The following SLC35F4 variants were observed in gnomAD, a reference collection of about 807,000 sequenced individuals.
The protein encoded by SLC35F4 is chromosome 14 open reading frame 36.
In SLC35F4, 24 loss-of-function variants were observed where a neutral mutation model predicts 44.2. The ratio of observed to expected loss-of-function variants is 0.54; its 90% confidence interval spans 0.39 to 0.76. SLC35F4 has a LOEUF of 0.76. Among genes scored for constraint, SLC35F4 ranks in the 30% least tolerant of loss-of-function variants. The pLI is 0.00. For synonymous variants in SLC35F4, 238 were observed against 223.6 expected (o/e 1.06, Z -0.57); for missense variants, 562 against 586.1 (o/e 0.96, Z 0.42).
intron 2 of SLC35F4, 55 bp from the exon 3 acceptor site, chr14:57,589,568 C>G: frequency 6.7e-7 from 1 of 1,485,432 alleles, no homozygotes; most frequent in Non-Finnish European, 9.0e-7. Context: ...AAACAGCAAT[C>G]AAATATATCA....
chr14:57,823,021 T>C (rs914812978), intron 1 of SLC35F4, among the ~76,000 whole-genome samples: 9 of 152,206 alleles, frequency 5.9e-5, no homozygotes, highest in African/African-American at 2.2e-4. Flanking sequence ...GGCTCATGTC[T>C]GTGGCTGCCT....
intron 1 of SLC35F4, among the ~76,000 whole-genome samples, chr14:57,770,383 C>T (rs770689119): frequency 5.3e-5 from 8 of 152,126 alleles, no homozygotes; most frequent in Non-Finnish European, 1.0e-4. Flanking sequence ...TTGTAGGGGT[C>T]GGGGAGTTGT....
intron 1 of SLC35F4, among the ~76,000 whole-genome samples, chr14:57,618,466 G>A (rs527586550): frequency 6.6e-6 from 1 of 152,182 alleles, no homozygotes; most frequent in African/African-American, 2.4e-5. Context: ...CCCAAGGGAA[G>A]CCGGGAGGAA....
At chr14:57,598,414 C>A (rs1320974082) in intron 1 of SLC35F4, among the ~76,000 whole-genome samples, 1 of 152,190 alleles carries the variant, frequency 6.6e-6, no homozygotes, top group Non-Finnish European at 1.5e-5. Flanking sequence ...GAATAAGGTG[C>A]CTTGGGTGTT....
intron 1 of SLC35F4, among the ~76,000 whole-genome samples, chr14:57,796,811 C>A (rs926782789): frequency 1.2e-4 from 19 of 152,162 alleles, no homozygotes; most frequent in Non-Finnish European, 2.6e-4. Flanking sequence ...CACTTGCACA[C>A]AAACACACAT....
At chr14:57,681,683 G>T (rs2208986) in intron 1 of SLC35F4, among the ~76,000 whole-genome samples, 1 of 151,618 alleles carries the variant, frequency 6.6e-6, no homozygotes, top group Non-Finnish European at 1.5e-5. Context: ...AGTTTCTGTA[G>T]GACAAAAGTA....
chr14:57,946,638 C>A (rs988488876), intron 1 of SLC35F4, among the ~76,000 whole-genome samples: 12 of 151,766 alleles, frequency 7.9e-5, no homozygotes, highest in Admixed American at 6.6e-4. Context: ...CCATGCCTGG[C>A]TAATTTTTTG....
At chr14:57,884,420 T>C (rs562380666) in intron 1 of SLC35F4, among the ~76,000 whole-genome samples, 1 of 152,322 alleles carries the variant, frequency 6.6e-6, no homozygotes, top group South Asian at 2.1e-4. Context: ...GAGGGTGTAA[T>C]TTGGTTAAAA....
chr14:57,653,132 A>T (rs1048129550), intron 1 of SLC35F4, among the ~76,000 whole-genome samples: 13 of 152,202 alleles, frequency 8.5e-5, no homozygotes, highest in African/African-American at 3.1e-4. Flanking sequence ...GTCACAAGGC[A>T]TTTACAAAGA....
At chr14:57,581,945 ATTTT>A (rs942233132) in intron 3 of SLC35F4, among the ~76,000 whole-genome samples, 1 of 152,024 alleles carries the variant, frequency 6.6e-6, no homozygotes, top group Non-Finnish European at 1.5e-5. Context: ...CAATTGACTA[ATTTT>A]TTTTCCTGCC....
At chr14:57,601,624 AAGG>A (rs1281653525) in intron 1 of SLC35F4, among the ~76,000 whole-genome samples, 1 of 152,248 alleles carries the variant, frequency 6.6e-6, no homozygotes, top group Non-Finnish European at 1.5e-5. Context: ...ATCTGAAAGA[AAGG>A]AGTACTAATG....
At chr14:57,720,650 T>C (rs1459425012) in intron 1 of SLC35F4, among the ~76,000 whole-genome samples, 5 of 152,220 alleles carry the variant, frequency 3.3e-5, no homozygotes, top group African/African-American at 1.2e-4. Context: ...AGGCAAAGTA[T>C]TGATCTTGGG....
rs555339175 is a variant in SLC35F4, at chr14:57,613,395, A to C, written c.104-19271T>G. Among the ~76,000 whole-genome samples the C allele has an allele frequency of 4.5e-4, 69 of 152,072 alleles. 1 individual carries two copies. The highest frequency in any genetic ancestry group is 1.7e-3 in the African/African-American group (69 of 41,470). The stretch of plus-strand genomic sequence containing the variant: ...ATGGCAAAAGGAGAGCCTGTCATAC[A>C]CTCCCCTGAGGAGATGGCGGTCTGT... On this transcript the variant is annotated intron_variant, in intron 1 of 7. Transcript: ENST00000556826.
chr14:57,974,281 T>C (rs1437006726), downstream of SLC35F4, among the ~76,000 whole-genome samples: 1 of 152,154 alleles, frequency 6.6e-6, no homozygotes, highest in Admixed American at 6.5e-5. Flanking sequence ...GCAGTCAAAT[T>C]TCTTACCTGG....
intron 1 of SLC35F4, among the ~76,000 whole-genome samples, chr14:57,893,063 A>T (rs1271192922): frequency 2.0e-5 from 3 of 152,018 alleles, no homozygotes; most frequent in Non-Finnish European, 4.4e-5. Flanking sequence ...ATGGCTCTAA[A>T]TTTTTTTTAT....
intron 1 of SLC35F4, among the ~76,000 whole-genome samples, chr14:57,964,496 A>G (rs984520993): frequency 6.6e-6 from 1 of 152,184 alleles, no homozygotes; most frequent in Non-Finnish European, 1.5e-5. Context: ...TATGGAACCT[A>G]CTTTTCTAAG....
chr14:57,740,305 C>G (rs2076573068), intron 1 of SLC35F4, among the ~76,000 whole-genome samples: 1 of 152,142 alleles, frequency 6.6e-6, no homozygotes, highest in South Asian at 2.1e-4. Flanking sequence ...TTTCCAAGTA[C>G]TCACTGACAT....
chr14:57,731,628 G>C (rs1422971426), intron 1 of SLC35F4, among the ~76,000 whole-genome samples: 1 of 152,156 alleles, frequency 6.6e-6, no homozygotes, highest in Non-Finnish European at 1.5e-5. Context: ...TCTCTCCTAA[G>C]TCTTTTTTGA....
chr14:57,811,687 T>C (rs1881984356), intron 1 of SLC35F4, among the ~76,000 whole-genome samples: 1 of 152,226 alleles, frequency 6.6e-6, no homozygotes, highest in African/African-American at 2.4e-5. Context: ...AGACTTGGAA[T>C]GTGCATGTAG....
Sources: gnomAD v4.1 joint callset for allele counts (sites outside exome capture counted in the v4.1 genomes callset) on GRCh38, gnomAD v4.1.1 for gene constraint, MANE v1.5 for transcripts, NCBI Gene and HGNC (gene_info 2026-07-23, HGNC 2026-07-21) for gene names.